PPM1L: variants seen among roughly 807,000 people sequenced by gnomAD.
PPM1L encodes the protein protein phosphatase, Mg2+/Mn2+ dependent 1L.
In PPM1L, 13 loss-of-function variants were observed where a neutral mutation model predicts 31.4. That is an observed-to-expected ratio of 0.41 (90% CI 0.27 to 0.66). The LOEUF (loss-of-function observed/expected upper bound fraction) is 0.66, where lower values mean the gene tolerates loss of function less well. Among genes scored for constraint, PPM1L ranks in the 30% least tolerant of loss-of-function variants. PPM1L has a pLI of 0.29. For synonymous variants in PPM1L, 184 were observed against 175.4 expected, an observed-to-expected ratio of 1.05 and a Z score of -0.39; for missense variants, 326 against 453.7, an observed-to-expected ratio of 0.72 and a Z score of 2.56.
intron 2 of PPM1L, among the ~76,000 whole-genome samples, chr3:160,970,862 T>A (rs1183818282): frequency 7.0e-6 from 1 of 142,964 alleles, no homozygotes; most frequent in Non-Finnish European, 1.5e-5. Context: ...CAATCTCGGC[T>A]CACTGCAGGC....
intron 1 of PPM1L, among the ~76,000 whole-genome samples, chr3:160,779,994 C>T (rs1262693381): frequency 6.6e-6 from 1 of 151,800 alleles, no homozygotes; most frequent in African/African-American, 2.4e-5. Context: ...TAAAGTGGTG[C>T]ATGGCACATA....
chr3:160,939,209 G>T (rs1459772069), intron 1 of PPM1L, among the ~76,000 whole-genome samples: 1 of 151,932 alleles, frequency 6.6e-6, no homozygotes, highest in African/African-American at 2.4e-5. Context: ...CTGATCTTCC[G>T]CCATTTCCTT....
chr3:160,995,686 A>T (rs571099904), intron 2 of PPM1L, among the ~76,000 whole-genome samples: 2 of 152,292 alleles, frequency 1.3e-5, no homozygotes, highest in Non-Finnish European at 2.9e-5. Flanking sequence ...AATTATTCTA[A>T]AGAATGAGAG....
intron 2 of PPM1L, among the ~76,000 whole-genome samples, chr3:161,004,761 A>C (rs1717644214): frequency 6.6e-6 from 1 of 150,462 alleles, no homozygotes; most frequent in Non-Finnish European, 1.5e-5. Flanking sequence ...CTAGCGGTCT[A>C]TCAATTTTGT....
In PPM1L at chr3:160,999,280, C is replaced by T. The variant is rs114014767; in HGVS notation, c.574+37370C>T. 4.1e-3 allele frequency among the ~76,000 whole-genome samples: 631 copies of T among 152,178 alleles called. 5 individuals carry two copies. The highest frequency in any genetic ancestry group is 0.014 in the African/African-American group (595 of 41,526). On this transcript the variant is annotated intron_variant, in intron 2 of 3. Coordinates refer to ENST00000498165, the MANE Select transcript of PPM1L (RefSeq NM_139245.4). ...AGGACACAGTACTTGAAAACGGCCG[C>T]GTGTGGTTTCTACTGCAGACAGTCT...
intron 1 of PPM1L, among the ~76,000 whole-genome samples, chr3:160,776,487 T>C (rs1468233062): frequency 6.6e-6 from 1 of 152,184 alleles, no homozygotes; most frequent in African/African-American, 2.4e-5. Context: ...CTTCCTTAAA[T>C]TGAGTAGGAG....
chr3:160,819,689 G>A (rs1713134480), intron 1 of PPM1L, among the ~76,000 whole-genome samples: 1 of 151,924 alleles, frequency 6.6e-6, no homozygotes, highest in Non-Finnish European at 1.5e-5. Context: ...TTTTCACTGT[G>A]TAACATACTG....
At chr3:160,810,474 ATT>A (rs1301576819) in intron 1 of PPM1L, among the ~76,000 whole-genome samples, 1 of 152,158 alleles carries the variant, frequency 6.6e-6, no homozygotes, top group Non-Finnish European at 1.5e-5. Context: ...TGGGAATAAC[ATT>A]TGTTGATATT....
At chr3:160,833,772 A>G (rs1294986191) in intron 1 of PPM1L, among the ~76,000 whole-genome samples, 3 of 151,826 alleles carry the variant, frequency 2.0e-5, no homozygotes, top group African/African-American at 7.3e-5. Context: ...GAAGCTATTT[A>G]GTTTAATTAG....
At chr3:161,046,110 C>CAAAAAA (rs58794623) in intron 2 of PPM1L, among the ~76,000 whole-genome samples, 2,386 of 50,298 alleles carry the variant, frequency 0.047, 315 homozygotes, top group Middle Eastern at 0.086. Context: ...GACTCTGTCT[C>CAAAAAA]AAAAAAAAAA....
chr3:161,004,594 T>C (rs1445697759), intron 2 of PPM1L, among the ~76,000 whole-genome samples: 1 of 149,488 alleles, frequency 6.7e-6, no homozygotes, highest in East Asian at 2.0e-4. Context: ...AAGGAATTTA[T>C]CCATTTCTTC....
chr3:161,053,787 A>G (rs1020504982), intron 2 of PPM1L, among the ~76,000 whole-genome samples: 3 of 152,204 alleles, frequency 2.0e-5, no homozygotes, highest in Admixed American at 2.0e-4. Flanking sequence ...TTGCTGGGGA[A>G]GAGCCAAAGT....
intron 1 of PPM1L, among the ~76,000 whole-genome samples, chr3:160,874,109 C>T (rs560929497): frequency 5.3e-5 from 8 of 152,230 alleles, no homozygotes; most frequent in South Asian, 2.1e-4. Context: ...GGCGGGGTTC[C>T]TTTTCCAGAA....
intron 1 of PPM1L, among the ~76,000 whole-genome samples, chr3:160,944,906 C>A: frequency 4.3e-5 from 2 of 46,528 alleles, no homozygotes; most frequent in African/African-American, 7.6e-5. Context: ...ACTGATGTTA[C>A]ATATATAATA....
intron 1 of PPM1L, among the ~76,000 whole-genome samples, chr3:160,940,168 TA>T (rs944668942): frequency 6.6e-6 from 1 of 152,174 alleles, no homozygotes; most frequent in African/African-American, 2.4e-5. Flanking sequence ...AAGAAATTTC[TA>T]AGCAGGAAAG....
chr3:161,051,715 A>G (rs1305936788), intron 2 of PPM1L, among the ~76,000 whole-genome samples: 4 of 152,176 alleles, frequency 2.6e-5, no homozygotes, highest in Admixed American at 6.5e-5. Context: ...TATTTATCCT[A>G]CATGTACATG....
intron 1 of PPM1L, among the ~76,000 whole-genome samples, chr3:160,926,056 T>C (rs1258226137): frequency 6.6e-6 from 1 of 152,148 alleles, no homozygotes; most frequent in East Asian, 1.9e-4. Flanking sequence ...AGACGGGTCT[T>C]GTATCTAGGA....
intron 1 of PPM1L, among the ~76,000 whole-genome samples, chr3:160,858,582 A>G (rs1198299681): frequency 1.3e-5 from 2 of 152,178 alleles, no homozygotes; most frequent in African/African-American, 2.4e-5. Context: ...TTGTTTTTAT[A>G]ATGAATGGGA....
At chr3:160,797,634 A>T (rs1313555180) in intron 1 of PPM1L, among the ~76,000 whole-genome samples, 1 of 152,208 alleles carries the variant, frequency 6.6e-6, no homozygotes, top group Non-Finnish European at 1.5e-5. Context: ...CAAAAGTGCT[A>T]CTCCAGTGAA....
Sources: gnomAD v4.1 joint callset for allele counts (sites outside exome capture counted in the v4.1 genomes callset) on GRCh38, gnomAD v4.1.1 for gene constraint, MANE v1.5 for transcripts, NCBI Gene and HGNC (gene_info 2026-07-23, HGNC 2026-07-21) for gene names.